The following SLC43A2 variants were observed in gnomAD, a reference collection of about 807,000 sequenced individuals.
SLC43A2 encodes solute carrier family 43 member 2.
A neutral mutation model predicts 63.2 loss-of-function variants in SLC43A2; 38 were observed. That is an observed-to-expected ratio of 0.60 (90% CI 0.46 to 0.79). The LOEUF (loss-of-function observed/expected upper bound fraction) is 0.79, where lower values mean the gene tolerates loss of function less well. SLC43A2 is among the 30% of genes least tolerant of loss of function. The pLI, the probability that SLC43A2 is intolerant of heterozygous loss-of-function variation, is 0.00. For missense variants in SLC43A2, 644 were observed against 756.2 expected (o/e 0.85, Z 1.74); for synonymous variants, 322 against 331.0 (o/e 0.97, Z 0.30).
rs1314771336 is a variant in SLC43A2 at position 1,575,118 on chromosome 17, TCCTCAGGCAG to T, written c.*476_*485del. Reference sequence around the variant, plus strand: ...CGACAACAGGAAGCGGGTCCTTCCTTCCTCAGGCAGCCTCAGGCTGGCCGGGGAGGGGGTG... The same window carrying T: ...CGACAACAGGAAGCGGGTCCTTCCTTCCTCAGGCTGGCCGGGGAGGGGGTG... On this transcript the variant is annotated 3_prime_UTR_variant, in exon 14 of 14. Coordinates refer to ENST00000301335, the MANE Select transcript of SLC43A2 (RefSeq NM_152346.3). The T allele has an allele frequency of 1.7e-5, 3 of 180,740 alleles. No homozygotes were observed. Among genetic ancestry groups the T allele is most frequent in the African/African-American group, 7.2e-5 (3 of 41,590 alleles). The allele number at this position is 180,740 out of a possible 1,614,324, so 11.2% of individuals were successfully genotyped here.
chr17:1,600,611 T>C (rs1385361393), intron 5 of SLC43A2, among the ~76,000 whole-genome samples: 2 of 135,400 alleles, frequency 1.5e-5, no homozygotes, highest in Non-Finnish European at 3.1e-5. Context: ...TGGAGTGCAA[T>C]GGTACGATTC....
At position 1,583,459 on chromosome 17, in the gene SLC43A2, C is replaced by G; in HGVS notation, c.1218-123G>C. On this transcript the variant is annotated intron_variant, in intron 10 of 13. Transcript: ENST00000301335. This position sits in a 1 kb window ranked among gnomAD's most constrained non-coding sequence, Gnocchi z 5.5. ...ACGCAAGACTCAGAAGCCACCCAGG[C>G]ACGTTTTAGGGACTGTGTCGGGGCT... 6.6e-7 allele frequency: 1 copy of G among 1,510,756 alleles called. No homozygotes were observed. The highest frequency in any genetic ancestry group is 8.9e-7 in the Non-Finnish European group (1 of 1,127,754). The allele number at this position is 1,510,756 out of a possible 1,614,324, so 93.6% of individuals were successfully genotyped here.
chr17:1,586,041 G>A lies in SLC43A2; in HGVS notation c.1089C>T (p.Tyr363=), dbSNP rs1011843478. The A allele has an allele frequency of 1.9e-6, 3 of 1,597,218 alleles. No homozygotes were observed. Among genetic ancestry groups the A allele is most frequent in the South Asian group, 1.1e-5 (1 of 89,052 alleles). Residue 363 remains tyrosine, a synonymous_variant, in exon 10 of 14, where the codon TAC becomes TAT. Coordinates refer to ENST00000301335, the MANE Select transcript of SLC43A2 (RefSeq NM_152346.3). ...VSGDQKTVGL[Y]TSIFGVLQLL... is the part of the protein sequence containing the mutation. ...GCTGGAGCACGCCGAAGATGGAGGTGTAGAGGCCAACTGTGGAGGAAGGCG... is the reference window on the plus strand; with the variant it reads ...GCTGGAGCACGCCGAAGATGGAGGTATAGAGGCCAACTGTGGAGGAAGGCG...
chr17:1,585,000 T>G (rs1216719879), intron 10 of SLC43A2, among the ~76,000 whole-genome samples: 2 of 152,064 alleles, frequency 1.3e-5, no homozygotes, highest in East Asian at 3.9e-4. Context: ...GAATAAACCT[T>G]GCAGGCAGAT....
rs1407941735 is a variant in SLC43A2 at position 1,583,505 on chromosome 17, C to A, written c.1218-169G>T. ...GGGCTGGACCAGCACTACGGACACT[C>A]CCCGGCCCTTCTCAGTGGCAAGCTG... On this transcript the variant is annotated intron_variant, in intron 10 of 13. Transcript: ENST00000301335. This position sits in a 1 kb window ranked among gnomAD's most constrained non-coding sequence, Gnocchi z 5.5. 10 of 1,185,874 alleles carry A rather than the reference C, an allele frequency of 8.4e-6. No homozygotes were observed. Among genetic ancestry groups the A allele is most frequent in the Non-Finnish European group, 1.1e-5 (10 of 875,210 alleles). 73.5% of individuals were successfully genotyped at this position (1,185,874 alleles called of 1,614,324 possible).
intron 9 of SLC43A2, chr17:1,586,942 CGCT>C: frequency 6.6e-7 from 1 of 1,510,968 alleles, no homozygotes; most frequent in African/African-American, 1.4e-5. Context: ...CCCCACCCCC[CGCT>C]TACCCGTGGC....
chr17:1,575,800 T>C (rs774191345), intron 13 of SLC43A2, 35 bp from the exon 14 acceptor site: 1 of 1,575,952 alleles, frequency 6.3e-7, no homozygotes, highest in Non-Finnish European at 8.6e-7. Context: ...TCACAGGGCG[T>C]GGTGGTGCGC....
In SLC43A2 at chr17:1,606,682, G is replaced by A. The variant is rs923985567; in HGVS notation, c.501+6513C>T. Among the ~76,000 whole-genome samples, 3 of 152,238 alleles carry A rather than the reference G, an allele frequency of 2.0e-5. No individual in the cohort carries two copies. Among genetic ancestry groups the A allele is most frequent in the Non-Finnish European group, 2.9e-5 (2 of 68,038 alleles). ...AGCGAGTGCAAAGGGCTGTACAAAC[G>A]CGAGGCACTGAACAAACACTGAGCG... is the stretch of plus-strand genomic sequence containing the variant. On this transcript the variant is annotated intron_variant, in intron 5 of 13. Transcript: ENST00000301335. The surrounding 1 kb of genome is among the most constrained non-coding windows in gnomAD (Gnocchi z 4.7).
chr17:1,584,508 G>A (rs1046747085), intron 10 of SLC43A2, among the ~76,000 whole-genome samples: 1 of 152,194 alleles, frequency 6.6e-6, no homozygotes, highest in Admixed American at 6.5e-5. Context: ...ATATTAAGGT[G>A]TGGAGCCATG....
chr17:1,583,207 G>C lies in SLC43A2; in HGVS notation c.1347C>G (p.Leu449=). 1 of 1,613,950 alleles carries C rather than the reference G, an allele frequency of 6.2e-7. No homozygotes were observed. Among genetic ancestry groups the C allele is most frequent in the Non-Finnish European group, 8.5e-7 (1 of 1,179,908 alleles). Reference sequence around the variant, plus strand: ...CCCTCCCACTCCCCACACCCACCTGGAGAGGCAGGTTGGGAATGAGGCAGG... The same window carrying C: ...CCCTCCCACTCCCCACACCCACCTGCAGAGGCAGGTTGGGAATGAGGCAGG... The part of the protein sequence containing the change: ...GVTCLIPNLP[L]QILSFILHTI... The change falls in exon 11 of 14, where the codon CTC becomes CTG. Residue 449 remains leucine, a synonymous_variant. Transcript: ENST00000301335. This position sits in a 1 kb window ranked among gnomAD's most constrained non-coding sequence, Gnocchi z 5.5.
chr17:1,622,910 T>C (rs1171362599), intron 2 of SLC43A2, among the ~76,000 whole-genome samples: 1 of 147,970 alleles, frequency 6.8e-6, no homozygotes, highest in African/African-American at 2.5e-5. Flanking sequence ...TGAAACTCCA[T>C]CTCAAAAAAA....
rs2075910844 is a variant in SLC43A2 at position 1,575,527 on chromosome 17, G to A, written c.*77C>T. 2 of 1,578,852 alleles carry A rather than the reference G, an allele frequency of 1.3e-6. No homozygotes were observed. Among genetic ancestry groups the A allele is most frequent in the Admixed American group, 1.7e-5 (1 of 59,814 alleles). On this transcript the variant is annotated 3_prime_UTR_variant, in exon 14 of 14. Transcript: ENST00000301335. The stretch of plus-strand genomic sequence containing the variant: ...GACGGCGAAGGTCCTGGGGGTGCGT[G>A]GGGTACTCTGGAGGGGCAGGACAGG...
rs925315388 is a variant in SLC43A2, at chr17:1,590,965, C to T, written c.932-17G>A. 68 of 1,548,292 alleles carry T rather than the reference C, an allele frequency of 4.4e-5. No individual in the cohort carries two copies. The highest frequency in any genetic ancestry group is 4.4e-4 in the African/African-American group (32 of 72,988). On this transcript the variant is annotated splice_polypyrimidine_tract_variant and intron_variant, in intron 8 of 13. Coordinates refer to ENST00000301335, the MANE Select transcript of SLC43A2 (RefSeq NM_152346.3). Reference sequence around the variant, plus strand: ...AGGGGGCCACTGCAGGGAGAGGGTGCGGGGCTCAGGGCCGGGGCACACTGT... The same window carrying T: ...AGGGGGCCACTGCAGGGAGAGGGTGTGGGGCTCAGGGCCGGGGCACACTGT...
intron 10 of SLC43A2, among the ~76,000 whole-genome samples, chr17:1,584,083 CA>C (rs1412609807): frequency 1.3e-5 from 2 of 151,968 alleles, no homozygotes; most frequent in Non-Finnish European, 2.9e-5. Flanking sequence ...TTTGTAGAGA[CA>C]GGGTTTCACC....
intron 11 of SLC43A2, among the ~76,000 whole-genome samples, chr17:1,582,132 T>C (rs1046419809): frequency 6.6e-5 from 10 of 151,308 alleles, no homozygotes; most frequent in South Asian, 2.1e-4. Context: ...CAGGCTGGAG[T>C]GCAGTGGCGC....
chr17:1,591,866 G>A lies in SLC43A2; in HGVS notation c.595-167C>T, dbSNP rs537802356. Among the ~76,000 whole-genome samples the A allele has an allele frequency of 6.6e-5, 10 of 152,206 alleles. No homozygotes were observed. In the South Asian group the frequency reaches 8.3e-4, roughly 13 times the overall value. The stretch of plus-strand genomic sequence containing the variant: ...CTGGGCGTTGGGGCATCAGGCACCC[G>A]CCTTCCAGTCCTCCCACCGTGCCTG... On this transcript the variant is annotated intron_variant, in intron 6 of 13. Coordinates refer to ENST00000301335, the MANE Select transcript of SLC43A2 (RefSeq NM_152346.3).
intron 9 of SLC43A2, among the ~76,000 whole-genome samples, chr17:1,586,468 G>GGGCGGATCACGAGGTC (rs1210361561): frequency 5.3e-5 from 8 of 152,116 alleles, no homozygotes; most frequent in Non-Finnish European, 1.2e-4. Context: ...AGCCCGAGGT[G>GGGCGGATCACGAGGTC]GGCGGATCAC....
intron 3 of SLC43A2, 82 bp downstream of exon 3, chr17:1,616,480 C>A: frequency 1.5e-6 from 2 of 1,365,100 alleles, no homozygotes; most frequent in East Asian, 5.0e-5. Flanking sequence ...ATATCAGGTA[C>A]GACCAGGATA....
At position 1,593,295 on chromosome 17, in the gene SLC43A2, C is replaced by CA. The variant is rs1462766628; in HGVS notation, c.502-17dup. The CA allele has an allele frequency of 7.4e-6, 12 of 1,611,520 alleles. No homozygotes were observed. Among genetic ancestry groups the CA allele is most frequent in the Non-Finnish European group, 1.0e-5 (12 of 1,178,634 alleles). ...TGTTGGGCAGCTGAGAGATAAGAAG[C>CA]AGAGAAACCTCAGTGGGGAGGATGC... On this transcript the variant is annotated splice_polypyrimidine_tract_variant and intron_variant, in intron 5 of 13. Coordinates refer to ENST00000301335, the MANE Select transcript of SLC43A2 (RefSeq NM_152346.3). This position sits in a 1 kb window ranked among gnomAD's most constrained non-coding sequence, Gnocchi z 5.3.
Sources: gnomAD v4.1 joint callset for allele counts (sites outside exome capture counted in the v4.1 genomes callset) on GRCh38, gnomAD v4.1.1 for gene constraint, Gnocchi (gnomAD v3.1) non-coding constraint, MANE v1.5 for transcripts, NCBI Gene and HGNC (gene_info 2026-07-23, HGNC 2026-07-21) for gene names.